Variants in SLC16A4 observed in about 807,000 individuals in gnomAD.
SLC16A4 encodes the protein probable monocarboxylate transporter 5.
A neutral mutation model predicts 47.9 loss-of-function variants in SLC16A4; 39 were observed. The ratio of observed to expected loss-of-function variants is 0.81; its 90% confidence interval spans 0.63 to 1.06. The LOEUF (loss-of-function observed/expected upper bound fraction) is 1.06, where lower values mean the gene tolerates loss of function less well. Ranked by LOEUF, SLC16A4 falls within the 50% of genes least tolerant of loss-of-function variation. The pLI is 0.00. For synonymous variants in SLC16A4, 189 were observed against 199.9 expected (o/e 0.95, Z 0.46); for missense variants, 524 against 573.8 (o/e 0.91, Z 0.89).
chr1:110,389,653 G>C (rs562782130), intron 1 of SLC16A4, among the ~76,000 whole-genome samples: 1 of 152,260 alleles, frequency 6.6e-6, no homozygotes, highest in South Asian at 2.1e-4. Context: ...ATCAACCTAC[G>C]TGCTCATCAA....
At chr1:110,368,956 CTT>C (rs762080985) in intron 8 of SLC16A4, among the ~76,000 whole-genome samples, 18 of 139,432 alleles carry the variant, frequency 1.3e-4, no homozygotes, top group Admixed American at 2.2e-4. Context: ...AGTTATGAAT[CTT>C]TTTTTTTTTT....
chr1:110,375,669 G>T, intron 7 of SLC16A4, 118 bp from the exon 8 acceptor site: 1 of 591,458 alleles, frequency 1.7e-6, no homozygotes. Flanking sequence ...GACTTCTGGG[G>T]TGAGTTGGTT....
intron 2 of SLC16A4, among the ~76,000 whole-genome samples, chr1:110,383,246 C>T (rs1276872088): frequency 1.3e-5 from 2 of 152,190 alleles, no homozygotes; most frequent in Non-Finnish European, 2.9e-5. Flanking sequence ...ATAAACCACC[C>T]AGTGGGTTCA....
At chr1:110,366,480 A>G (rs115677544) in intron 8 of SLC16A4, among the ~76,000 whole-genome samples, 3,011 of 152,330 alleles carry the variant, frequency 0.02, 59 homozygotes, top group South Asian at 0.063. Flanking sequence ...GTATTAAAAT[A>G]TAGTCATGTG....
chr1:110,389,930 T>C (rs184076057), intron 1 of SLC16A4, among the ~76,000 whole-genome samples: 38 of 152,264 alleles, frequency 2.5e-4, no homozygotes, highest in African/African-American at 8.9e-4. Flanking sequence ...AAACTCCCTA[T>C]TGGATGCTGT....
chr1:110,369,717 T>C (rs1661589010), intron 8 of SLC16A4, among the ~76,000 whole-genome samples: 1 of 152,212 alleles, frequency 6.6e-6, no homozygotes, highest in South Asian at 2.1e-4. Flanking sequence ...GGTTGGGTTG[T>C]AGCATAGTGG....
intron 8 of SLC16A4, among the ~76,000 whole-genome samples, chr1:110,365,162 G>T (rs1661312628): frequency 6.6e-6 from 1 of 151,992 alleles, no homozygotes; most frequent in Non-Finnish European, 1.5e-5. Flanking sequence ...GGCAGCACAG[G>T]TCTGGGTTTC....
chr1:110,370,659 A>G (rs1257876881), intron 8 of SLC16A4: 2 of 152,224 alleles, frequency 1.3e-5, no homozygotes, highest in East Asian at 3.8e-4. Flanking sequence ...AGATCGGTAA[A>G]TAATAGAGAG....
At position 110,378,946 on chromosome 1, in the gene SLC16A4, A is replaced by G; in HGVS notation, c.937T>C (p.Leu313=). The change falls in exon 6 of 9, where the codon TTA becomes CTA. Residue 313 remains leucine, a synonymous_variant. Coordinates refer to ENST00000369779, the MANE Select transcript of SLC16A4 (RefSeq NM_004696.3). The stretch of plus-strand genomic sequence containing the variant: ...TGAAAGGTAGGGATGAAGTATGCTA[A>G]CTGACTGAGGAGAAAAGACCAAGTA... The part of the protein sequence containing the change: ...IFTWSFLLSQ[L]AYFIPTFHLV... 1 of 1,614,198 alleles carries G rather than the reference A, an allele frequency of 6.2e-7. No homozygotes were observed.
intron 1 of SLC16A4, among the ~76,000 whole-genome samples, chr1:110,390,371 A>G (rs1217329456): frequency 6.6e-6 from 1 of 152,204 alleles, no homozygotes; most frequent in Non-Finnish European, 1.5e-5. Flanking sequence ...CTAAATGTAA[A>G]TATTTTTGGA....
At chr1:110,376,878 T>C (rs1662034328) in intron 7 of SLC16A4, 72 bp downstream of exon 7, 1 of 1,235,186 alleles carries the variant, frequency 8.1e-7, no homozygotes. Context: ...AAAATACGTA[T>C]TTTGGGGAGA....
chr1:110,383,568 C>T (rs1417305785), intron 2 of SLC16A4, among the ~76,000 whole-genome samples: 2 of 152,076 alleles, frequency 1.3e-5, no homozygotes, highest in African/African-American at 4.8e-5. Context: ...GTGGTGCCAG[C>T]TGATCCATCA....
rs1368579492 is a variant in SLC16A4 at position 110,381,810 on chromosome 1, G to C, written c.221-15C>G. 6.2e-7 allele frequency: 1 copy of C among 1,606,632 alleles called. No homozygotes were observed. The highest frequency in any genetic ancestry group is 1.3e-5 in the African/African-American group (1 of 74,524). On this transcript the variant is annotated splice_polypyrimidine_tract_variant and intron_variant, in intron 3 of 8. Coordinates refer to ENST00000369779, the MANE Select transcript of SLC16A4 (RefSeq NM_004696.3). ...AACCAGGGGACCTTAAGAGAAGAAA[G>C]AAAGGCAATTCTTAGGTAAATAATG...
At chr1:110,375,906 G>T (rs957656861) in intron 7 of SLC16A4, among the ~76,000 whole-genome samples, 1 of 152,002 alleles carries the variant, frequency 6.6e-6, no homozygotes, top group South Asian at 2.1e-4. Context: ...TTGAGACAGG[G>T]TTTCACTCTG....
intron 2 of SLC16A4, among the ~76,000 whole-genome samples, chr1:110,385,644 T>A (rs1482544107): frequency 3.3e-5 from 5 of 152,214 alleles, no homozygotes; most frequent in Non-Finnish European, 7.3e-5. Flanking sequence ...GGTCAAGACC[T>A]GCCCCCTTCT....
intron 2 of SLC16A4, among the ~76,000 whole-genome samples, chr1:110,385,652 T>C (rs1350667897): frequency 6.6e-6 from 1 of 152,182 alleles, no homozygotes; most frequent in African/African-American, 2.4e-5. Context: ...CCTGCCCCCT[T>C]CTTTTCACCC....
intron 8 of SLC16A4, chr1:110,371,338 C>T (rs891681433): frequency 2.0e-5 from 3 of 152,038 alleles, no homozygotes; most frequent in Non-Finnish European, 2.9e-5. Flanking sequence ...ATTTTATAGG[C>T]AACTAATATG....
intron 2 of SLC16A4, among the ~76,000 whole-genome samples, chr1:110,386,455 T>G (rs1570657388): frequency 6.6e-6 from 1 of 152,204 alleles, no homozygotes. Context: ...CGTCATACAT[T>G]GTAAATGGCT....
Position 110,381,846 on chromosome 1 carries a change from C to T in SLC16A4, c.221-51G>A, listed in dbSNP as rs755589946. 9 of 1,520,932 alleles carry T rather than the reference C, an allele frequency of 5.9e-6. No homozygotes were observed. The Admixed American group carries it at 7.7e-5, about 13-fold the overall frequency. The allele number at this position is 1,520,932 out of a possible 1,614,324, so 94.2% of individuals were successfully genotyped here. ...CTTAGGTAAATAATGATCTGGCATC[C>T]CTTATCCTCTGATGGCGATTTAAAT... On this transcript the variant is annotated intron_variant, in intron 3 of 8. Transcript: ENST00000369779.
Sources: gnomAD v4.1 joint callset for allele counts (sites outside exome capture counted in the v4.1 genomes callset) on GRCh38, gnomAD v4.1.1 for gene constraint, MANE v1.5 for transcripts, NCBI Gene and HGNC (gene_info 2026-07-23, HGNC 2026-07-21) for gene names.